Variants in ITGAL observed in about 807,000 individuals in gnomAD.
ITGAL encodes the protein integrin subunit alpha L.
ITGAL carries 68 observed loss-of-function variants against 138.4 expected under a neutral mutation model. That is an observed-to-expected ratio of 0.49 (90% confidence interval 0.40 to 0.60). The LOEUF (loss-of-function observed/expected upper bound fraction) is 0.60. Among genes scored for constraint, ITGAL ranks in the 20% least tolerant of loss-of-function variants. The probability of loss-of-function intolerance (pLI) is 0.00; values close to 1 mark genes in which losing one functional copy is unlikely to be tolerated. For missense variants in ITGAL, 1,256 were observed against 1,478.6 expected, an observed-to-expected ratio of 0.85 and a Z score of 2.47; for synonymous variants, 561 against 584.3, an observed-to-expected ratio of 0.96 and a Z score of 0.57.
At chr16:30,488,702 CAAAAAA>C (rs34533619) in intron 9 of ITGAL, among the ~76,000 whole-genome samples, 106 of 57,694 alleles carry the variant, frequency 1.8e-3, no homozygotes, top group African/African-American at 6.2e-3. Context: ...GACTCCATCT[CAAAAAA>C]AAAAAAAAAA....
chr16:30,499,713 G>GTATATATATGTGTATATATATATATGTA (rs1555507158), intron 17 of ITGAL, among the ~76,000 whole-genome samples: 13 of 103,192 alleles, frequency 1.3e-4, no homozygotes, highest in African/African-American at 5.4e-4. Context: ...ATATATATAT[G>GTATATATATGTGTATATATATATATGTA]TATATATATA....
In ITGAL at chr16:30,499,423, T is replaced by C. The variant is rs781743804; in HGVS notation, c.2079T>C (p.His693=). Residue 693 remains histidine (H), a synonymous_variant, in exon 17 of 31, where the codon CAT becomes CAC. Transcript: ENST00000356798. The part of the protein sequence containing the change: ...RRRGLFPGGR[H]ELRRNIAVTT... ...GGGGGTTGTTCCCAGGAGGGAGACA[T>C]GAACTCAGAAGGAATATAGCTGTCA... 9 of 1,613,956 alleles carry C rather than the reference T, an allele frequency of 5.6e-6. No homozygotes were observed. Among genetic ancestry groups the C allele is most frequent in the South Asian group, 2.2e-5 (2 of 91,082 alleles).
intron 18 of ITGAL, chr16:30,505,012 C>T (rs1489962033): frequency 6.2e-6 from 2 of 320,784 alleles, no homozygotes; most frequent in Non-Finnish European, 1.1e-5. Flanking sequence ...CAGAGTAAGA[C>T]AGTCTTAAAA....
chr16:30,506,867 G>C lies in ITGAL; in HGVS notation c.2508+11G>C, dbSNP rs768962471. On this transcript the variant is annotated intron_variant, in intron 21 of 30. Coordinates refer to ENST00000356798, the MANE Select transcript of ITGAL (RefSeq NM_002209.3). Reference sequence around the variant, plus strand: ...GTGGAGATGCTGAAGGTGGGTGAGAGGACAGCGCCTGCCTGCGGGCATCTG... The same window carrying C: ...GTGGAGATGCTGAAGGTGGGTGAGACGACAGCGCCTGCCTGCGGGCATCTG... 1.2e-5 allele frequency: 20 copies of C among 1,613,436 alleles called. No homozygotes were observed. Among genetic ancestry groups the C allele is most frequent in the Non-Finnish European group, 1.7e-5 (20 of 1,179,638 alleles).
intron 6 of ITGAL, among the ~76,000 whole-genome samples, 187 bp downstream of exon 6, chr16:30,479,648 C>CGT (rs2050524971): frequency 3.6e-4 from 26 of 72,830 alleles, no homozygotes; most frequent in Non-Finnish European, 6.0e-4. Context: ...TTCTCATTTC[C>CGT]TTTTTTTTTT....
chr16:30,479,157 T>G lies in ITGAL; in HGVS notation c.394T>G (p.Phe132Val). The G allele has an allele frequency of 1.9e-6, 3 of 1,614,154 alleles. No homozygotes were observed. Among genetic ancestry groups the G allele is most frequent in the Non-Finnish European group, 2.5e-6 (3 of 1,180,014 alleles). The part of the protein sequence containing the change: ...NTYLSGLCYL[F>V]RQNLQGPMLQ... Reference sequence around the variant, plus strand: ...CTATCTGAGTGGCCTGTGTTACCTCTTCCGCCAGAATCTGCAGGGTCCCAT... The same window carrying G: ...CTATCTGAGTGGCCTGTGTTACCTCGTCCGCCAGAATCTGCAGGGTCCCAT... Residue 132 changes from phenylalanine to valine, a missense_variant, in exon 5 of 31, where the codon TTC becomes GTC. Physicochemically the swap from Phe to Val is conservative, Grantham distance 50 (BLOSUM62 -1). Transcript: ENST00000356798.
chr16:30,492,255 CTTT>C (rs34570222), intron 11 of ITGAL, among the ~76,000 whole-genome samples: 14 of 130,700 alleles, frequency 1.1e-4, no homozygotes, highest in Admixed American at 1.6e-4. Flanking sequence ...TCTTTTTTTT[CTTT>C]TTTTTTTTTT....
At chr16:30,512,413 C>G (rs1033273661) in intron 24 of ITGAL, among the ~76,000 whole-genome samples, 6 of 151,878 alleles carry the variant, frequency 4.0e-5, no homozygotes, top group African/African-American at 1.5e-4. Flanking sequence ...ATGGTGAAAC[C>G]TTGTCTCTAC....
intron 11 of ITGAL, among the ~76,000 whole-genome samples, chr16:30,492,131 C>A (rs754604016): frequency 1.2e-4 from 19 of 152,084 alleles, no homozygotes; most frequent in Non-Finnish European, 7.3e-5. Context: ...AATCTTGGGT[C>A]CAATTTCCTG....
intron 11 of ITGAL, among the ~76,000 whole-genome samples, chr16:30,491,187 G>C (rs1335191821): frequency 6.6e-6 from 1 of 151,778 alleles, no homozygotes; most frequent in East Asian, 1.9e-4. Flanking sequence ...GATCATTTGA[G>C]GTCAGGAGTT....
chr16:30,516,455 C>G (rs62056325), intron 25 of ITGAL, among the ~76,000 whole-genome samples: 2 of 152,078 alleles, frequency 1.3e-5, no homozygotes, highest in Non-Finnish European at 2.9e-5. Flanking sequence ...GTCTCAAACT[C>G]CTGACCTCAA....
At chr16:30,520,338 G>A (rs887030508) in intron 30 of ITGAL, among the ~76,000 whole-genome samples, 2 of 152,202 alleles carry the variant, frequency 1.3e-5, no homozygotes, top group Non-Finnish European at 2.9e-5. Flanking sequence ...GGGAGGTTGA[G>A]GTGGGAGGAT....
At chr16:30,484,330 C>T (rs1336418304) in intron 9 of ITGAL, 67 bp downstream of exon 9, 159 of 1,511,762 alleles carry the variant, frequency 1.1e-4, no homozygotes, top group Non-Finnish European at 1.3e-4. Flanking sequence ...GACATCAGGC[C>T]GGGCTTGGTG....
intron 9 of ITGAL, among the ~76,000 whole-genome samples, chr16:30,485,032 C>A (rs1485524862): frequency 1.3e-5 from 2 of 152,104 alleles, no homozygotes; most frequent in African/African-American, 4.8e-5. Context: ...CAAGGGCTTG[C>A]CTAAATAAAA....
At chr16:30,501,558 CA>C (rs1207489437) in intron 17 of ITGAL, among the ~76,000 whole-genome samples, 3 of 124,974 alleles carry the variant, frequency 2.4e-5, no homozygotes, top group East Asian at 2.3e-4. Flanking sequence ...GCCTGAGCAA[CA>C]AGAGTGAAAC....
chr16:30,507,168 T>C (rs1355013519), intron 21 of ITGAL, among the ~76,000 whole-genome samples: 3 of 150,774 alleles, frequency 2.0e-5, no homozygotes, highest in Non-Finnish European at 3.0e-5. Context: ...ACTAAAAAAA[T>C]ACAAAAATGG....
At chr16:30,473,616 C>T (rs556851178) in intron 1 of ITGAL, among the ~76,000 whole-genome samples, 85 of 152,334 alleles carry the variant, frequency 5.6e-4, no homozygotes, top group African/African-American at 1.9e-3. Context: ...CTGAACTAAA[C>T]TCCATGCGGG....
chr16:30,505,219 A>G, intron 18 of ITGAL, 25 bp from the exon 19 acceptor site: 1 of 1,563,652 alleles, frequency 6.4e-7, no homozygotes, highest in Non-Finnish European at 8.7e-7. Flanking sequence ...TCCTCTCTCC[A>G]TCCTGCCCAC....
intron 7 of ITGAL, chr16:30,483,056 G>A (rs1022129641): frequency 1.3e-5 from 2 of 152,082 alleles, no homozygotes; most frequent in African/African-American, 4.8e-5. Flanking sequence ...GGAACTCCCA[G>A]GGCAGAAATT....
Sources: allele counts gnomAD v4.1 joint callset (sites outside exome capture counted in the v4.1 genomes callset), GRCh38; gene constraint gnomAD v4.1.1; transcripts MANE v1.5; gene names NCBI Gene and HGNC (gene_info 2026-07-23, HGNC 2026-07-21).